Variants in NALCN observed in about 807,000 individuals in gnomAD.
The protein encoded by NALCN is sodium leak channel NALCN.
NALCN carries 111 observed loss-of-function variants against 225.3 expected under a neutral mutation model. That is an observed-to-expected ratio of 0.49 (90% CI 0.42 to 0.58). The LOEUF (loss-of-function observed/expected upper bound fraction) is 0.58, where lower values mean the gene tolerates loss of function less well. NALCN is among the 20% of genes least tolerant of loss of function. The pLI, the probability that NALCN is intolerant of heterozygous loss-of-function variation, is 0.00. For synonymous variants in NALCN, 764 were observed against 769.0 expected, an observed-to-expected ratio of 0.99 and a Z score of 0.11; for missense variants, 1,378 against 2,202.4, an observed-to-expected ratio of 0.63 and a Z score of 7.49.
intron 7 of NALCN, among the ~76,000 whole-genome samples, chr13:101,321,356 T>G (rs1354349007): frequency 6.6e-6 from 1 of 152,146 alleles, no homozygotes; most frequent in Non-Finnish European, 1.5e-5. Context: ...AAAAAATGCT[T>G]AACTTGATTA....
chr13:101,060,064 C>A, intron 41 of NALCN, 97 bp from the exon 42 acceptor site: 1 of 1,386,258 alleles, frequency 7.2e-7, no homozygotes, highest in African/African-American at 1.4e-5. Context: ...TCTCCTAAGA[C>A]CTGCATGACG....
intron 13 of NALCN, among the ~76,000 whole-genome samples, chr13:101,200,603 G>A (rs535000512): frequency 3.3e-5 from 5 of 152,210 alleles, no homozygotes; most frequent in African/African-American, 1.2e-4. Flanking sequence ...CAACATAGGT[G>A]GGCTAGGCCA....
chr13:101,130,766 T>C (rs1014642208), intron 17 of NALCN, among the ~76,000 whole-genome samples: 1 of 152,210 alleles, frequency 6.6e-6, no homozygotes, highest in Admixed American at 6.5e-5. Context: ...TTGGGCTAGA[T>C]AATATATTTT....
intron 12 of NALCN, among the ~76,000 whole-genome samples, chr13:101,233,960 A>T (rs972532703): frequency 5.9e-5 from 9 of 152,114 alleles, no homozygotes; most frequent in Non-Finnish European, 8.8e-5. Flanking sequence ...TCAATCATGC[A>T]CCCACCTCAG....
intron 17 of NALCN, among the ~76,000 whole-genome samples, chr13:101,135,267 C>G (rs1314806271): frequency 6.6e-6 from 1 of 152,164 alleles, no homozygotes; most frequent in African/African-American, 2.4e-5. Context: ...TACAAAATGA[C>G]TTTATGATTA....
chr13:101,226,549 G>A (rs1169193892), intron 13 of NALCN, among the ~76,000 whole-genome samples: 1 of 152,192 alleles, frequency 6.6e-6, no homozygotes, highest in Non-Finnish European at 1.5e-5. Context: ...CAGTGAAGGG[G>A]CAGACCCAGA....
At chr13:101,279,674 G>A (rs1396884557) in intron 10 of NALCN, among the ~76,000 whole-genome samples, 5 of 149,382 alleles carry the variant, frequency 3.3e-5, no homozygotes, top group South Asian at 4.3e-4. Context: ...AAAATTAGCC[G>A]GGCGTAGTGG....
chr13:101,159,539 C>T lies in NALCN; in HGVS notation c.1840-14643G>A, dbSNP rs550939311. ...TATTAGAACTACGTATATTAGAAAA[C>T]CATGCAGCATGAACACCCCAAAATC... On this transcript the variant is annotated intron_variant, in intron 15 of 43. Coordinates refer to ENST00000251127, the MANE Select transcript of NALCN (RefSeq NM_052867.4). 1.7e-3 allele frequency among the ~76,000 whole-genome samples: 264 copies of T among 152,288 alleles called. 3 individuals carry two copies. Among genetic ancestry groups the T allele is most frequent in the African/African-American group, 6.0e-3 (250 of 41,542 alleles).
chr13:101,135,376 C>G (rs2036732120), intron 17 of NALCN, among the ~76,000 whole-genome samples: 1 of 152,162 alleles, frequency 6.6e-6, no homozygotes, highest in South Asian at 2.1e-4. Context: ...TGCTTTTAAC[C>G]TGTTTGTGAA....
intron 14 of NALCN, among the ~76,000 whole-genome samples, chr13:101,185,935 T>C (rs896562): frequency 0.27 from 41,376 of 152,144 alleles, 6,687 homozygotes; most frequent in Non-Finnish European, 0.37. Context: ...AAATGCGTTG[T>C]AGCATTTTGT....
intron 30 of NALCN, among the ~76,000 whole-genome samples, chr13:101,088,006 A>G (rs1413113486): frequency 6.6e-6 from 1 of 152,072 alleles, no homozygotes; most frequent in Non-Finnish European, 1.5e-5. Flanking sequence ...GCATCTAAAA[A>G]GATCCTTCTT....
At chr13:101,348,921 TG>T (rs1413249380) in intron 6 of NALCN, among the ~76,000 whole-genome samples, 49 of 152,308 alleles carry the variant, frequency 3.2e-4, no homozygotes, top group African/African-American at 1.2e-3. Context: ...TGTTAATCTT[TG>T]TTTCATTTTT....
chr13:101,340,481 A>T (rs563894143), intron 7 of NALCN, among the ~76,000 whole-genome samples: 1 of 152,314 alleles, frequency 6.6e-6, no homozygotes, highest in Admixed American at 6.5e-5. Flanking sequence ...TTGCCCGTGC[A>T]TCCCAATTTC....
intron 3 of NALCN, 135 bp from the exon 4 acceptor site, chr13:101,378,788 AG>A (rs2046765858): frequency 1.7e-6 from 1 of 593,424 alleles, no homozygotes; most frequent in Non-Finnish European, 2.8e-6. Flanking sequence ...GACTTTCACA[AG>A]GAATAAGTTT....
intron 3 of NALCN, among the ~76,000 whole-genome samples, chr13:101,394,086 C>T (rs1159728634): frequency 3.3e-5 from 5 of 152,236 alleles, no homozygotes; most frequent in Non-Finnish European, 7.4e-5. Context: ...CTTGGTTTCT[C>T]AGATTTGCTT....
At chr13:101,241,110 C>T (rs193060470) in intron 11 of NALCN, among the ~76,000 whole-genome samples, 7 of 152,328 alleles carry the variant, frequency 4.6e-5, no homozygotes, top group Admixed American at 4.6e-4. Context: ...AGGAAACCCA[C>T]ATGGGCACAG....
intron 40 of NALCN, among the ~76,000 whole-genome samples, chr13:101,063,110 C>A (rs2032095708): frequency 6.6e-6 from 1 of 152,308 alleles, no homozygotes; most frequent in Non-Finnish European, 1.5e-5. Context: ...GTGTGATGCA[C>A]CCAGGTGTAG....
chr13:101,350,466 A>G (rs1325503115), intron 6 of NALCN, among the ~76,000 whole-genome samples: 1 of 152,008 alleles, frequency 6.6e-6, no homozygotes, highest in African/African-American at 2.4e-5. Flanking sequence ...TTTCCCTGCT[A>G]TAACTTCTCA....
intron 13 of NALCN, among the ~76,000 whole-genome samples, chr13:101,218,054 T>C (rs1047834662): frequency 6.6e-5 from 10 of 152,158 alleles, no homozygotes; most frequent in Non-Finnish European, 1.3e-4. Flanking sequence ...CCAGTAATTT[T>C]AATTCTAGGA....
Sources: allele counts gnomAD v4.1 joint callset (sites outside exome capture counted in the v4.1 genomes callset), GRCh38; gene constraint gnomAD v4.1.1; transcripts MANE v1.5; gene names NCBI Gene and HGNC (gene_info 2026-07-23, HGNC 2026-07-21).